Variants in DEPDC5 observed in about 807,000 individuals in gnomAD.
DEPDC5 encodes the protein GATOR1 complex protein DEPDC5.
A neutral mutation model predicts 217.3 loss-of-function variants in DEPDC5; 73 were observed. The ratio of observed to expected loss-of-function variants is 0.34; its 90% CI spans 0.28 to 0.41. The LOEUF (loss-of-function observed/expected upper bound fraction) is 0.41, where lower values mean the gene tolerates loss of function less well. Among genes scored for constraint, DEPDC5 ranks in the 10% least tolerant of loss-of-function variants. The pLI is 1.00. For synonymous variants in DEPDC5, 733 were observed against 756.7 expected (o/e 0.97, Z 0.51); for missense variants, 1,675 against 2,070.1 (o/e 0.81, Z 3.70).
intron 26 of DEPDC5, among the ~76,000 whole-genome samples, chr22:31,838,018 T>C (rs1343775576): frequency 6.6e-6 from 1 of 152,154 alleles, no homozygotes; most frequent in East Asian, 1.9e-4. Context: ...AATTTTATGA[T>C]GTAAGAACTG....
chr22:31,804,073 C>A, intron 15 of DEPDC5, 89 bp from the exon 16 acceptor site: 1 of 1,270,100 alleles, frequency 7.9e-7, no homozygotes, highest in Non-Finnish European at 1.1e-6. Context: ...GCTTTGCCTA[C>A]TACCCATTTA....
At chr22:31,779,783 C>A (rs2084240991) in intron 8 of DEPDC5, among the ~76,000 whole-genome samples, 1 of 152,054 alleles carries the variant, frequency 6.6e-6, no homozygotes, top group Non-Finnish European at 1.5e-5. Flanking sequence ...CTATTATTGG[C>A]GTCCTTGTGT....
intron 24 of DEPDC5, among the ~76,000 whole-genome samples, chr22:31,831,693 T>C (rs1352527182): frequency 3.9e-5 from 6 of 152,190 alleles, no homozygotes; most frequent in African/African-American, 1.4e-4. Flanking sequence ...ACTTCTGACC[T>C]TCAGTGATCC....
chr22:31,900,337 G>T (rs574252235), intron 40 of DEPDC5, among the ~76,000 whole-genome samples: 77 of 152,036 alleles, frequency 5.1e-4, no homozygotes, highest in Non-Finnish European at 1.2e-4. Flanking sequence ...GTGAGCCGCC[G>T]CACCTGGCCC....
At chr22:31,889,595 G>A (rs1357061292) in intron 38 of DEPDC5, among the ~76,000 whole-genome samples, 1 of 124,950 alleles carries the variant, frequency 8.0e-6, no homozygotes, top group African/African-American at 3.1e-5. Context: ...TGTTGCCTAT[G>A]CTGGAGTGCA....
chr22:31,787,323 G>A (rs1162992560), intron 10 of DEPDC5, among the ~76,000 whole-genome samples: 16 of 151,912 alleles, frequency 1.1e-4, no homozygotes, highest in Admixed American at 9.9e-4. Flanking sequence ...GAGCTCAAGC[G>A]GTCACCCACC....
At chr22:31,834,074 G>A in intron 25 of DEPDC5, 94 bp downstream of exon 25, 2 of 1,263,892 alleles carry the variant, frequency 1.6e-6, no homozygotes, top group Middle Eastern at 3.7e-4. Flanking sequence ...TGGGAAGTGA[G>A]TGGTCCTGAG....
chr22:31,882,077 A>G (rs901541902), intron 38 of DEPDC5, among the ~76,000 whole-genome samples: 2 of 152,174 alleles, frequency 1.3e-5, no homozygotes, highest in African/African-American at 4.8e-5. Flanking sequence ...CCTGTTACAA[A>G]TATAACAAAC....
intron 14 of DEPDC5, among the ~76,000 whole-genome samples, chr22:31,800,206 A>T (rs1601949816): frequency 6.6e-6 from 1 of 152,126 alleles, no homozygotes; most frequent in African/African-American, 2.4e-5. Context: ...AAACATTATT[A>T]TCCTGTTCCC....
intron 8 of DEPDC5, among the ~76,000 whole-genome samples, chr22:31,783,540 A>G (rs1171956889): frequency 6.6e-6 from 1 of 152,094 alleles, no homozygotes; most frequent in Non-Finnish European, 1.5e-5. Flanking sequence ...GCACTCCCAT[A>G]GTTCCAGCTA....
chr22:31,774,885 G>A (rs1490400128), intron 7 of DEPDC5, among the ~76,000 whole-genome samples: 6 of 152,146 alleles, frequency 3.9e-5, no homozygotes, highest in East Asian at 1.9e-4. Flanking sequence ...GCCTCCCAAG[G>A]TGCTAGGATT....
intron 31 of DEPDC5, among the ~76,000 whole-genome samples, chr22:31,856,848 C>T (rs2092323553): frequency 6.6e-6 from 1 of 152,098 alleles, no homozygotes. Flanking sequence ...CAGCTCACTG[C>T]GACCTCTGCC....
chr22:31,773,445 C>T (rs2083528913), intron 7 of DEPDC5, among the ~76,000 whole-genome samples: 1 of 152,138 alleles, frequency 6.6e-6, no homozygotes. Context: ...TCAAACGATC[C>T]TCTTGGCTCA....
intron 40 of DEPDC5, among the ~76,000 whole-genome samples, chr22:31,899,823 G>A (rs1254975204): frequency 6.6e-6 from 1 of 152,108 alleles, no homozygotes; most frequent in African/African-American, 2.4e-5. Flanking sequence ...CCAGGCCTCA[G>A]CACCTCCTCC....
intron 13 of DEPDC5, 104 bp from the exon 14 acceptor site, chr22:31,798,478 G>A: frequency 1.1e-6 from 1 of 929,904 alleles, no homozygotes; most frequent in Non-Finnish European, 1.6e-6. Context: ...AGATTGTGCT[G>A]CTCCACTCCA....
intron 2 of DEPDC5, among the ~76,000 whole-genome samples, chr22:31,756,701 A>C (rs1166224718): frequency 2.0e-5 from 3 of 152,122 alleles, no homozygotes; most frequent in Non-Finnish European, 4.4e-5. Context: ...TGGGCAGATC[A>C]CATGAGGTCA....
intron 27 of DEPDC5, 99 bp from the exon 28 acceptor site, chr22:31,842,996 A>G (rs929604469): frequency 2.4e-6 from 2 of 841,080 alleles, no homozygotes; most frequent in African/African-American, 1.7e-5. Flanking sequence ...CCTAAGAGAA[A>G]GTGTTACATT....
At chr22:31,761,743 G>A (rs545294048) in intron 4 of DEPDC5, among the ~76,000 whole-genome samples, 70 of 151,716 alleles carry the variant, frequency 4.6e-4, no homozygotes, top group Admixed American at 1.2e-3. Context: ...TGAGGCAGGC[G>A]GATTGCCTGA....
chr22:31,861,603 C>T (rs887455370), intron 33 of DEPDC5, among the ~76,000 whole-genome samples, 170 bp downstream of exon 33: 14 of 151,978 alleles, frequency 9.2e-5, no homozygotes, highest in African/African-American at 2.4e-4. Context: ...TTTGTGGCGG[C>T]GAAGGGGGGG....
Sources: gnomAD v4.1 joint callset for allele counts (sites outside exome capture counted in the v4.1 genomes callset) on GRCh38, gnomAD v4.1.1 for gene constraint, MANE v1.5 for transcripts, NCBI Gene and HGNC (gene_info 2026-07-23, HGNC 2026-07-21) for gene names.